The following BCL11A variants were observed in gnomAD, a reference collection of about 807,000 sequenced individuals.
BCL11A encodes B cell CLL/lymphoma 11A.
Under a neutral mutation model 55.9 loss-of-function variants are expected in BCL11A, and 2 were observed. The ratio of observed to expected loss-of-function variants is 0.04; its 90% CI spans 0.01 to 0.11. BCL11A has a LOEUF of 0.11. BCL11A is among the 10% of genes least tolerant of loss of function. The pLI, the probability that BCL11A is intolerant of heterozygous loss-of-function variation, is 1.00. For synonymous variants in BCL11A, 465 were observed against 473.4 expected, an observed-to-expected ratio of 0.98 and a Z score of 0.23; for missense variants, 817 against 1,137.1, an observed-to-expected ratio of 0.72 and a Z score of 4.05.
chr2:60,487,929 A>G (rs1678376080), intron 2 of BCL11A, among the ~76,000 whole-genome samples: 1 of 152,208 alleles, frequency 6.6e-6, no homozygotes, highest in African/African-American at 2.4e-5. Flanking sequence ...CCCTGATAAC[A>G]TCTGCCACTA....
At chr2:60,483,164 G>A (rs1295256577) in intron 2 of BCL11A, among the ~76,000 whole-genome samples, 4 of 152,144 alleles carry the variant, frequency 2.6e-5, no homozygotes, top group Non-Finnish European at 4.4e-5. Flanking sequence ...CAACACAGGC[G>A]AGAGAAGTGT....
At chr2:60,494,379 G>A (rs1351493057) in intron 2 of BCL11A, among the ~76,000 whole-genome samples, 13 of 152,182 alleles carry the variant, frequency 8.5e-5, no homozygotes, top group Admixed American at 5.9e-4. Context: ...TGTAAACAAG[G>A]AGGTTGTAAT....
At chr2:60,470,979 A>G (rs931765173) in intron 2 of BCL11A, among the ~76,000 whole-genome samples, 2 of 152,162 alleles carry the variant, frequency 1.3e-5, no homozygotes, top group Admixed American at 6.5e-5. Context: ...CTCCTGATCC[A>G]GTGGTCTTTC....
At chr2:60,511,390 G>A (rs1679978576) in intron 2 of BCL11A, among the ~76,000 whole-genome samples, 1 of 152,196 alleles carries the variant, frequency 6.6e-6, no homozygotes, top group South Asian at 2.1e-4. Flanking sequence ...GCCAATTTGG[G>A]AAGTAATGTC....
chr2:60,451,089 T>C (rs1161192449), downstream of BCL11A: 1 of 179,400 alleles, frequency 5.6e-6, no homozygotes, highest in Non-Finnish European at 1.2e-5. Flanking sequence ...AAAGTAGAAG[T>C]CGTGAGATCT....
At chr2:60,455,968 C>T (rs1457571576), downstream of BCL11A, among the ~76,000 whole-genome samples, 1 of 152,134 alleles carries the variant, frequency 6.6e-6, no homozygotes, top group African/African-American at 2.4e-5. Context: ...AGGTACCGCA[C>T]GCCCACCCCA....
At chr2:60,479,985 A>C (rs183131983) in intron 2 of BCL11A, among the ~76,000 whole-genome samples, 18 of 152,364 alleles carry the variant, frequency 1.2e-4, no homozygotes, top group Non-Finnish European at 2.4e-4. Context: ...TTCTCACTCA[A>C]AAGCTGCTTT....
At chr2:60,477,958 CTTT>C (rs79276518) in intron 2 of BCL11A, among the ~76,000 whole-genome samples, 5 of 138,478 alleles carry the variant, frequency 3.6e-5, no homozygotes, top group Non-Finnish European at 3.1e-5. Context: ...TTATGGAAAG[CTTT>C]TTTTTTTTTT....
At chr2:60,514,295 A>G (rs539138427) in intron 2 of BCL11A, among the ~76,000 whole-genome samples, 1 of 152,292 alleles carries the variant, frequency 6.6e-6, no homozygotes, top group Admixed American at 6.5e-5. Context: ...CGCAGTGCTG[A>G]GCCATGAGCC....
intron 2 of BCL11A, chr2:60,527,402 A>G (rs772315913): frequency 6.6e-6 from 1 of 152,302 alleles, no homozygotes; most frequent in Admixed American, 6.5e-5. Context: ...CTCTTGACCC[A>G]AGGGTATGTA....
At chr2:60,510,040 C>T (rs905392791) in intron 2 of BCL11A, among the ~76,000 whole-genome samples, 1 of 152,186 alleles carries the variant, frequency 6.6e-6, no homozygotes, top group Non-Finnish European at 1.5e-5. Context: ...CGAAGTATGT[C>T]CAGAATCCAG....
intron 3 of BCL11A, among the ~76,000 whole-genome samples, chr2:60,463,009 C>T (rs1339232788): frequency 6.6e-6 from 1 of 152,206 alleles, no homozygotes; most frequent in Non-Finnish European, 1.5e-5. Flanking sequence ...CTGAAACACA[C>T]TAATTGTTGA....
rs1383169381 is a variant in BCL11A, at chr2:60,553,320, A to G, written c.-50T>C. On this transcript the variant is annotated 5_prime_UTR_variant, in exon 1 of 4. Coordinates refer to ENST00000642384, the MANE Select transcript of BCL11A (RefSeq NM_022893.4). ...CGGCGGCGGCGGCGGCGGCGGGCGG[A>G]CGACGGCTCGGTTCACATCGGGAGA... 11 of 1,494,516 alleles carry G rather than the reference A, an allele frequency of 7.4e-6. No individual in the cohort carries two copies. Among genetic ancestry groups the G allele is most frequent in the South Asian group, 1.2e-5 (1 of 80,324 alleles). The allele number at this position is 1,494,516 out of a possible 1,614,324, so 92.6% of individuals were successfully genotyped here.
At chr2:60,531,118 G>T (rs1669436797) in intron 2 of BCL11A, among the ~76,000 whole-genome samples, 1 of 151,328 alleles carries the variant, frequency 6.6e-6, no homozygotes, top group African/African-American at 2.4e-5. Flanking sequence ...AGATGGACTT[G>T]ACCACTTTGC....
At chr2:60,463,167 T>C (rs1676408776) in intron 3 of BCL11A, among the ~76,000 whole-genome samples, 2 of 152,228 alleles carry the variant, frequency 1.3e-5, no homozygotes, top group Admixed American at 1.3e-4. Flanking sequence ...TCTCAAAGAA[T>C]GTTTAAAAAA....
chr2:60,532,011 G>C lies in BCL11A; in HGVS notation c.385+13960C>G, dbSNP rs147691818. On this transcript the variant is annotated intron_variant, in intron 2 of 3. Coordinates refer to ENST00000642384, the MANE Select transcript of BCL11A (RefSeq NM_022893.4). ...CTGCCTTTGTTCCTGCCACACCGCC[G>C]GGCCCCTGCTAACCTGTCTCCACAA... Among the ~76,000 whole-genome samples the C allele has an allele frequency of 1.8e-3, 280 of 152,138 alleles. 1 individual carries two copies. Among genetic ancestry groups the C allele is most frequent in the African/African-American group, 6.5e-3 (269 of 41,506 alleles).
At chr2:60,531,611 T>G (rs972713570) in intron 2 of BCL11A, among the ~76,000 whole-genome samples, 2 of 152,208 alleles carry the variant, frequency 1.3e-5, no homozygotes, top group African/African-American at 4.8e-5. Flanking sequence ...CAATGAAACT[T>G]GCTCCATACA....
chr2:60,510,944 C>G (rs568369582), intron 2 of BCL11A, among the ~76,000 whole-genome samples: 1 of 152,212 alleles, frequency 6.6e-6, no homozygotes, highest in Non-Finnish European at 1.5e-5. Flanking sequence ...TAAAACCAAA[C>G]GAAAGTCTTT....
chr2:60,500,683 A>G (rs1679230453), intron 2 of BCL11A, among the ~76,000 whole-genome samples: 1 of 152,168 alleles, frequency 6.6e-6, no homozygotes, highest in African/African-American at 2.4e-5. Flanking sequence ...TATAAGGCTG[A>G]TGGGCTGTAG....
Sources: allele counts gnomAD v4.1 joint callset (sites outside exome capture counted in the v4.1 genomes callset), GRCh38; gene constraint gnomAD v4.1.1; transcripts MANE v1.5; gene names NCBI Gene and HGNC (gene_info 2026-07-23, HGNC 2026-07-21).